The following HDAC7 variants were observed in gnomAD, a reference collection of about 807,000 sequenced individuals.
The protein encoded by HDAC7 is histone deacetylase 7A.
A neutral mutation model predicts 115.5 loss-of-function variants in HDAC7; 26 were observed. That is an observed-to-expected ratio of 0.23 (90% CI 0.16 to 0.31). The LOEUF is 0.31. HDAC7 is among the 10% of genes least tolerant of loss of function. The pLI is 1.00. For synonymous variants in HDAC7, 564 were observed against 550.9 expected (o/e 1.02, Z -0.33); for missense variants, 1,068 against 1,329.0 (o/e 0.80, Z 3.05).
Position 47,784,132 on chromosome 12 carries a change from C to T in HDAC7, c.2877G>A (p.Val959=), listed in dbSNP as rs1266479156. 2 of 1,613,740 alleles carry T rather than the reference C, an allele frequency of 1.2e-6. No homozygotes were observed. Among genetic ancestry groups the T allele is most frequent in the Non-Finnish European group, 1.7e-6 (2 of 1,179,934 alleles). Residue 959 remains valine (V), a synonymous_variant, in exon 25 of 26, where the codon GTG becomes GTA. Transcript: ENST00000080059. ...PRVPGADKEE[V]EAVTALASLS... ...GGGACGCCAGTGCGGTCACTGCCTC[C>T]ACTTCTTCTTTGTCAGCCCCTGGCA...
rs967794244 is a variant in HDAC7 at position 47,786,756 on chromosome 12, C to T, written c.2454-53G>A. 1.7e-5 allele frequency: 25 copies of T among 1,461,450 alleles called. 1 individual carries two copies. The highest frequency in any genetic ancestry group is 2.8e-5 in the African/African-American group (2 of 71,644). The allele number at this position is 1,461,450 out of a possible 1,614,324, so 90.5% of individuals were successfully genotyped here. A position where few individuals can be genotyped will look rare whatever the true frequency, so the allele number is the denominator to read the frequency against. ...TCGTACTGTGCAGGGTTGCCAGGGG[C>T]GGTCCTGCCAACTTTGCGGTGGGGC... On this transcript the variant is annotated intron_variant, in intron 21 of 25. Coordinates refer to ENST00000080059, the MANE Select transcript of HDAC7 (RefSeq NM_015401.5).
Position 47,795,971 on chromosome 12 carries a change from G to A in HDAC7, c.841C>T (p.Pro281Ser), listed in dbSNP as rs748254025. 2 of 1,549,958 alleles carry A rather than the reference G, an allele frequency of 1.3e-6. No individual in the cohort carries two copies. ...AAGGACACTGTCGGCAAGGCGAACG[G>A]GGCCACAGAAGTCTCCTGCAGCCGC... is the stretch of plus-strand genomic sequence containing the variant. ...RLRLQETSVA[P>S]FALPTVSLLP... The change falls in exon 9 of 26, where the codon CCG (proline) becomes TCG (serine). Residue 281 changes from proline to serine, a missense_variant. Transcript: ENST00000080059. The surrounding 1 kb of genome is among the most constrained non-coding windows in gnomAD (Gnocchi z 4.3).
intron 1 of HDAC7, among the ~76,000 whole-genome samples, chr12:47,804,142 C>T (rs2137019966): frequency 6.6e-6 from 1 of 152,322 alleles, no homozygotes; most frequent in African/African-American, 2.4e-5. Context: ...GTGTGGGCTA[C>T]CAGGCCCCAA....
At position 47,789,292 on chromosome 12, in the gene HDAC7, C is replaced by T. The variant is rs201393408; in HGVS notation, c.2204G>A (p.Ser735Asn). ...AIACRQLQQQ[S>N]KASKILIVDW... ...TACAATGAGGATCTTGCTGGCCTTGCTCTGCTGTTGCAGCTGCCGGCAGGC... is the reference window on the plus strand; with the variant it reads ...TACAATGAGGATCTTGCTGGCCTTGTTCTGCTGTTGCAGCTGCCGGCAGGC... The change falls in exon 19 of 26, where the codon AGC becomes AAC. Residue 735 changes from serine to asparagine, a missense_variant. Ser to Asn is a conservative substitution (Grantham distance 46). This residue lies in a region of HDAC7 where 182 missense variants were observed against 301.1 expected (regional missense o/e 0.60). Transcript: ENST00000080059. 3.7e-6 allele frequency: 6 copies of T among 1,613,998 alleles called. No homozygotes were observed. Among genetic ancestry groups the T allele is most frequent in the Non-Finnish European group, 5.1e-6 (6 of 1,179,998 alleles).
At chr12:47,808,030 C>T (rs1027742768) in intron 1 of HDAC7, among the ~76,000 whole-genome samples, 2 of 152,240 alleles carry the variant, frequency 1.3e-5, no homozygotes, top group Admixed American at 6.5e-5. Context: ...GTGAGCCAGC[C>T]GGGATGTCTG....
At position 47,786,620 on chromosome 12, in the gene HDAC7, G is replaced by A. The variant is rs143907462; in HGVS notation, c.2537C>T (p.Pro846Leu). 35 of 1,613,810 alleles carry A rather than the reference G, an allele frequency of 2.2e-5. No homozygotes were observed. The highest frequency in any genetic ancestry group is 2.9e-5 in the Non-Finnish European group (34 of 1,179,914). Residue 846 changes from proline (P) to leucine (L), a missense_variant, in exon 22 of 26, where the codon CCG becomes CTG. Transcript: ENST00000080059. ...AACATGGTAGCCACCCAGTGGGGCC[G>A]GGTGACCCTCAGCAGCATCAAATCC... ...SAGFDAAEGH[P>L]APLGGYHVSA...
chr12:47,784,900 C>T (rs1258480837), intron 24 of HDAC7: 2 of 821,692 alleles, frequency 2.4e-6, no homozygotes, highest in Non-Finnish European at 3.8e-6. Context: ...CATTTTTATC[C>T]CTAGTATAGA....
At position 47,795,884 on chromosome 12, in the gene HDAC7, G is replaced by A; in HGVS notation, c.906+22C>T. On this transcript the variant is annotated intron_variant, in intron 9 of 25. Coordinates refer to ENST00000080059, the MANE Select transcript of HDAC7 (RefSeq NM_015401.5). The surrounding 1 kb of genome is among the most constrained non-coding windows in gnomAD (Gnocchi z 4.3). ...AGAAGCTGGGGGGGCTTGGAGTGGG[G>A]GTGGGCACCCCAGCCACTCACCCTG... The A allele has an allele frequency of 2.6e-6, 4 of 1,534,690 alleles. No homozygotes were observed. The highest frequency in any genetic ancestry group is 3.5e-6 in the Non-Finnish European group (4 of 1,136,050).
Position 47,797,050 on chromosome 12 carries a change from T to TG in HDAC7, c.669dup (p.Ser224GlnfsTer17). ...GTCTCTGCGGGCCGCCGCCGGAGGCTGGGGGGCGCACTCTCCTTTCGGAGC... is the reference window on the plus strand; with the variant it reads ...GTCTCTGCGGGCCGCCGCCGGAGGCTGGGGGGGCGCACTCTCCTTTCGGAGC... On this transcript the variant is annotated frameshift_variant, in exon 7 of 26. Coordinates refer to ENST00000080059, the MANE Select transcript of HDAC7 (RefSeq NM_015401.5). LOFTEE classifies it high-confidence loss of function. This position sits in a 1 kb window ranked among gnomAD's most constrained non-coding sequence, Gnocchi z 5.5. The TG allele has an allele frequency of 6.3e-7, 1 of 1,594,842 alleles. No homozygotes were observed. Among genetic ancestry groups the TG allele is most frequent in the Non-Finnish European group, 8.5e-7 (1 of 1,171,882 alleles).
In HDAC7 at chr12:47,795,487, A is replaced by G; in HGVS notation, c.1087+100T>C. On this transcript the variant is annotated intron_variant, in intron 10 of 25. Transcript: ENST00000080059. The surrounding 1 kb of genome is among the most constrained non-coding windows in gnomAD (Gnocchi z 4.3). ...GGTGCAGCAGGGCAATGCGCAGGAC[A>G]GGGGGACAGAGATGGGGAGGAAGGA... 1.5e-6 allele frequency: 2 copies of G among 1,377,642 alleles called. No homozygotes were observed. Among genetic ancestry groups the G allele is most frequent in the Non-Finnish European group, 2.0e-6 (2 of 999,850 alleles). 85.3% of individuals were successfully genotyped at this position (1,377,642 alleles called of 1,614,324 possible).
intron 15 of HDAC7, 117 bp downstream of exon 15, chr12:47,791,469 A>G: frequency 7.0e-7 from 1 of 1,429,622 alleles, no homozygotes; most frequent in Non-Finnish European, 9.5e-7. Flanking sequence ...AGCAAGCTGG[A>G]GTAGGGACGT....
rs768047240 is a variant in HDAC7 at position 47,798,540 on chromosome 12, G to A, written c.349+22C>T. ...CACCTGGCTGGTGGGGCTGGGCTGG[G>A]CTGGGGTGGCCACCTCCTTACTTCG... On this transcript the variant is annotated intron_variant, in intron 4 of 25. Coordinates refer to ENST00000080059, the MANE Select transcript of HDAC7 (RefSeq NM_015401.5). The surrounding 1 kb of genome is among the most constrained non-coding windows in gnomAD (Gnocchi z 4.3). The A allele has an allele frequency of 2.5e-6, 4 of 1,609,098 alleles. No homozygotes were observed. The highest frequency in any genetic ancestry group is 1.7e-5 in the Admixed American group (1 of 60,018).
At position 47,785,116 on chromosome 12, in the gene HDAC7, C is replaced by T. The variant is rs1034578013; in HGVS notation, c.2791+271G>A. On this transcript the variant is annotated intron_variant, in intron 24 of 25. Transcript: ENST00000080059. The stretch of plus-strand genomic sequence containing the variant: ...GTGTTGCTCTTGACCTGGCCCTGGT[C>T]TAGGGCTGTCGCTAGAGATGGAGGC... The T allele has an allele frequency of 8.9e-6, 5 of 559,356 alleles. No homozygotes were observed. The African/African-American group carries it at 9.5e-5, about 11-fold the overall frequency. The allele number at this position is 559,356 out of a possible 1,614,324, so 34.6% of individuals were successfully genotyped here.
chr12:47,811,670 T>C (rs1944673019), intron 1 of HDAC7, among the ~76,000 whole-genome samples: 2 of 152,352 alleles, frequency 1.3e-5, no homozygotes, highest in East Asian at 1.9e-4. Flanking sequence ...TTACGCAGCA[T>C]ATATACGTAC....
Position 47,795,503 on chromosome 12 carries a change from G to A in HDAC7, c.1087+84C>T, listed in dbSNP as rs1943766863. 23 of 1,446,580 alleles carry A rather than the reference G, an allele frequency of 1.6e-5. No homozygotes were observed. The highest frequency in any genetic ancestry group is 2.1e-5 in the Non-Finnish European group (22 of 1,058,788). The allele number at this position is 1,446,580 out of a possible 1,614,324, so 89.6% of individuals were successfully genotyped here. A position where few individuals can be genotyped will look rare whatever the true frequency, so the allele number is the denominator to read the frequency against. On this transcript the variant is annotated intron_variant, in intron 10 of 25. Coordinates refer to ENST00000080059, the MANE Select transcript of HDAC7 (RefSeq NM_015401.5). This position sits in a 1 kb window ranked among gnomAD's most constrained non-coding sequence, Gnocchi z 4.3. Reference sequence around the variant, plus strand: ...GCGCAGGACAGGGGGACAGAGATGGGGAGGAAGGATGGGTCCATCCCAAGC... The same window carrying A: ...GCGCAGGACAGGGGGACAGAGATGGAGAGGAAGGATGGGTCCATCCCAAGC...
In HDAC7 at chr12:47,791,712, A is replaced by T. The variant is rs750188680; in HGVS notation, c.1813-6T>A. ...GCCTTCCGGCCTCGGAGACACTGAAAAGGGGACCACAGAGCTCTGAGCTCA... is the reference window on the plus strand; with the variant it reads ...GCCTTCCGGCCTCGGAGACACTGAATAGGGGACCACAGAGCTCTGAGCTCA... On this transcript the variant is annotated splice_region_variant and splice_polypyrimidine_tract_variant and intron_variant, in intron 14 of 25. Transcript: ENST00000080059. The T allele has an allele frequency of 1.1e-5, 17 of 1,613,388 alleles. No individual in the cohort carries two copies. The highest frequency in any genetic ancestry group is 1.4e-5 in the Non-Finnish European group (17 of 1,179,884).
rs1943953255 is a variant in HDAC7, at chr12:47,797,935, G to A, written c.461+173C>T. On this transcript the variant is annotated intron_variant, in intron 5 of 25. Coordinates refer to ENST00000080059, the MANE Select transcript of HDAC7 (RefSeq NM_015401.5). The surrounding 1 kb of genome is among the most constrained non-coding windows in gnomAD (Gnocchi z 5.5). ...TGGGGTGGGGAGAATTTAAAGAGAGGAGGGCAGGTATCAGTTGAGAGAGGG... is the reference window on the plus strand; with the variant it reads ...TGGGGTGGGGAGAATTTAAAGAGAGAAGGGCAGGTATCAGTTGAGAGAGGG... 6.8e-6 allele frequency among the ~76,000 whole-genome samples: 1 copy of A among 147,156 alleles called. No homozygotes were observed. The highest frequency in any genetic ancestry group is 6.9e-5 in the Admixed American group (1 of 14,594).
rs762278141 is a variant in HDAC7 at position 47,798,155 on chromosome 12, C to T, written c.414G>A (p.Ala138=). 13 of 1,613,596 alleles carry T rather than the reference C, an allele frequency of 8.1e-6. No homozygotes were observed. Among genetic ancestry groups the T allele is most frequent in the South Asian group, 3.3e-5 (3 of 91,070 alleles). ...TGGGATGGACTGTTCTTTCTAGGGCCGCCTGCTGTTTTTTCAGAATCACCT... is the reference window on the plus strand; with the variant it reads ...TGGGATGGACTGTTCTTTCTAGGGCTGCCTGCTGTTTTTTCAGAATCACCT... ...LAEVILKKQQ[A]ALERTVHPNS... is the part of the protein sequence containing the mutation. Residue 138 remains alanine, a synonymous_variant, in exon 5 of 26, where the codon GCG becomes GCA. Coordinates refer to ENST00000080059, the MANE Select transcript of HDAC7 (RefSeq NM_015401.5). This position sits in a 1 kb window ranked among gnomAD's most constrained non-coding sequence, Gnocchi z 4.3.
intron 7 of HDAC7, among the ~76,000 whole-genome samples, chr12:47,796,735 T>C (rs934551409): frequency 6.6e-6 from 1 of 152,220 alleles, no homozygotes; most frequent in Non-Finnish European, 1.5e-5. Context: ...CCTGCTTTCT[T>C]CCCATCAGAG....
Sources: allele counts gnomAD v4.1 joint callset (sites outside exome capture counted in the v4.1 genomes callset), GRCh38; gene constraint gnomAD v4.1.1; regional missense constraint gnomAD v4.1.1; non-coding constraint Gnocchi (gnomAD v3.1); transcripts MANE v1.5; gene names NCBI Gene and HGNC (gene_info 2026-07-23, HGNC 2026-07-21).